The following RIPOR2 variants were observed in gnomAD, a reference collection of about 807,000 sequenced individuals.
RIPOR2 encodes the protein RHO family interacting cell polarization regulator 2.
RIPOR2 carries 39 observed loss-of-function variants against 114.5 expected under a neutral mutation model. The ratio of observed to expected loss-of-function variants is 0.34; its 90% CI spans 0.26 to 0.44. The LOEUF (loss-of-function observed/expected upper bound fraction) is 0.44. Ranked by LOEUF, RIPOR2 falls within the 20% of genes least tolerant of loss-of-function variation. The pLI is 1.00. For synonymous variants in RIPOR2, 445 were observed against 484.4 expected, an observed-to-expected ratio of 0.92 and a Z score of 1.07; for missense variants, 1,007 against 1,255.1, an observed-to-expected ratio of 0.80 and a Z score of 2.99.
At position 24,960,628 on chromosome 6, in the gene RIPOR2, T is replaced by G. The variant is rs137878535; in HGVS notation, c.76+81223A>C. Among the ~76,000 whole-genome samples the G allele has an allele frequency of 4.2e-3, 637 of 152,216 alleles. 4 individuals carry two copies. The highest frequency in any genetic ancestry group is 0.014 in the African/African-American group (593 of 41,526). Reference sequence around the variant, plus strand: ...GCAGCCTTGACCTCCCCTGGTGCAGTTGATCCTCCCACCTCAGCCTCCCCA... The same window carrying G: ...GCAGCCTTGACCTCCCCTGGTGCAGGTGATCCTCCCACCTCAGCCTCCCCA... On this transcript the variant is annotated intron_variant, in intron 1 of 13. Coordinates refer to the RIPOR2 transcript ENST00000510784.
chr6:24,932,899 C>T (rs1004298986), intron 1 of RIPOR2, among the ~76,000 whole-genome samples: 1 of 152,138 alleles, frequency 6.6e-6, no homozygotes, highest in African/African-American at 2.4e-5. Context: ...CAAGCATGAA[C>T]TTTTACAGGT....
chr6:24,845,449 C>T (rs1363777080), intron 12 of RIPOR2, among the ~76,000 whole-genome samples: 1 of 152,146 alleles, frequency 6.6e-6, no homozygotes, highest in Non-Finnish European at 1.5e-5. Flanking sequence ...TTCCACTCAG[C>T]TTTGTCTGAT....
intron 1 of RIPOR2, among the ~76,000 whole-genome samples, chr6:24,984,729 C>T (rs1425575872): frequency 6.6e-6 from 1 of 152,072 alleles, no homozygotes; most frequent in East Asian, 1.9e-4. Flanking sequence ...AAAATGTAAG[C>T]TTCAATTATC....
chr6:24,924,123 C>A (rs1165049290), intron 1 of RIPOR2, among the ~76,000 whole-genome samples: 1 of 152,174 alleles, frequency 6.6e-6, no homozygotes, highest in Admixed American at 6.5e-5. Flanking sequence ...AGAGCCAGCA[C>A]TGTTTTGGGA....
At chr6:24,808,728 T>G (rs1345094167) in intron 21 of RIPOR2, among the ~76,000 whole-genome samples, 1 of 150,836 alleles carries the variant, frequency 6.6e-6, no homozygotes, top group Non-Finnish European at 1.5e-5. Context: ...GTTGTTGAAG[T>G]AAAATTATTT....
intron 8 of RIPOR2, among the ~76,000 whole-genome samples, chr6:24,860,524 G>A (rs1013637134): frequency 2.0e-5 from 3 of 152,164 alleles, no homozygotes; most frequent in African/African-American, 4.8e-5. Context: ...CTGTGAAAAC[G>A]TGACAGTACT....
Position 25,037,755 on chromosome 6 carries a change from TG to T in RIPOR2, c.76+4095del, listed in dbSNP as rs1777312081. On this transcript the variant is annotated intron_variant, in intron 1 of 13. Transcript: ENST00000510784. The surrounding 1 kb of genome is among the most constrained non-coding windows in gnomAD (Gnocchi z 4.5). ...AGGAAGGCTTAGGGAAGATGAACTT[TG>T]GGATCCATTGCTTTACTATGAGTTT... Among the ~76,000 whole-genome samples the T allele has an allele frequency of 6.6e-6, 1 of 152,098 alleles. No homozygotes were observed. The highest frequency in any genetic ancestry group is 2.4e-5 in the African/African-American group (1 of 41,444).
At position 25,001,739 on chromosome 6, in the gene RIPOR2, G is replaced by A. The variant is rs1338208591; in HGVS notation, c.76+40112C>T. Among the ~76,000 whole-genome samples the A allele has an allele frequency of 2.0e-3, 252 of 123,364 alleles. 4 individuals carry two copies. The highest frequency in any genetic ancestry group is 3.9e-4 in the Non-Finnish European group (24 of 61,662). 80.9% of individuals were successfully genotyped at this position (123,364 alleles called of 152,430 possible). A position where few individuals can be genotyped will look rare whatever the true frequency, so the allele number is the denominator to read the frequency against. Reference sequence around the variant, plus strand: ...TTTTTAAACATAGTCTCGCTCTGTCGCCCAGGCTGGAGTGCAGTGGCGCGA... The same window carrying A: ...TTTTTAAACATAGTCTCGCTCTGTCACCCAGGCTGGAGTGCAGTGGCGCGA... On this transcript the variant is annotated intron_variant, in intron 1 of 13. Transcript: ENST00000510784.
At chr6:24,988,375 T>C (rs577595827) in intron 1 of RIPOR2, among the ~76,000 whole-genome samples, 1 of 152,166 alleles carries the variant, frequency 6.6e-6, no homozygotes, top group Non-Finnish European at 1.5e-5. Flanking sequence ...GATTTTGCCA[T>C]GTTGGCCAGG....
chr6:24,994,594 G>A (rs1774966115), intron 1 of RIPOR2, among the ~76,000 whole-genome samples: 1 of 152,172 alleles, frequency 6.6e-6, no homozygotes, highest in Non-Finnish European at 1.5e-5. Flanking sequence ...AAGAAGAAGG[G>A]ACTTGAAGGA....
chr6:24,979,155 A>G (rs1356275817), intron 1 of RIPOR2, among the ~76,000 whole-genome samples: 2 of 152,096 alleles, frequency 1.3e-5, no homozygotes, highest in Non-Finnish European at 2.9e-5. Flanking sequence ...TTCCTCTCTC[A>G]GCTGTCGTGC....
intron 21 of RIPOR2, 44 bp downstream of exon 21, chr6:24,809,673 T>C: frequency 7.9e-7 from 1 of 1,263,430 alleles, no homozygotes; most frequent in Non-Finnish European, 1.1e-6. Context: ...CGTTAGAGAG[T>C]GCCAGAAGCA....
chr6:24,901,188 T>C (rs186959680), intron 1 of RIPOR2, among the ~76,000 whole-genome samples: 104 of 152,318 alleles, frequency 6.8e-4, no homozygotes, highest in African/African-American at 2.5e-3. Context: ...GGAGTGAAAC[T>C]AGTCCCCTAC....
chr6:24,983,121 G>T (rs555171051), intron 1 of RIPOR2, among the ~76,000 whole-genome samples: 1 of 151,876 alleles, frequency 6.6e-6, no homozygotes, highest in East Asian at 1.9e-4. Flanking sequence ...GTTGCAGTCC[G>T]CAAACTTGGC....
chr6:25,010,791 TACAAGGG>T (rs1422931682), intron 1 of RIPOR2, among the ~76,000 whole-genome samples: 17 of 152,182 alleles, frequency 1.1e-4, no homozygotes, highest in African/African-American at 4.1e-4. Flanking sequence ...TCTCTGGTGC[TACAAGGG>T]ACACTAGACA....
intron 1 of RIPOR2, among the ~76,000 whole-genome samples, chr6:24,933,952 A>G (rs939682816): frequency 3.3e-5 from 5 of 152,208 alleles, no homozygotes; most frequent in African/African-American, 1.2e-4. Context: ...GAGAACACAC[A>G]GGTTCATCCA....
At chr6:25,019,571 C>T (rs191504318) in intron 1 of RIPOR2, among the ~76,000 whole-genome samples, 18 of 150,396 alleles carry the variant, frequency 1.2e-4, no homozygotes, top group African/African-American at 3.4e-4. Context: ...AGATCGAGAC[C>T]ATCCTGGCTA....
intron 1 of RIPOR2, among the ~76,000 whole-genome samples, chr6:24,933,647 G>C (rs968686796): frequency 6.6e-6 from 1 of 152,166 alleles, no homozygotes; most frequent in Non-Finnish European, 1.5e-5. Flanking sequence ...GAAGTGCAAC[G>C]CAAACATTAT....
At chr6:25,006,466 C>T (rs1775566147) in intron 1 of RIPOR2, among the ~76,000 whole-genome samples, 1 of 152,198 alleles carries the variant, frequency 6.6e-6, no homozygotes, top group African/African-American at 2.4e-5. Context: ...TCTCATCTGT[C>T]TTTTCAAATC....
Sources: allele counts gnomAD v4.1 joint callset (sites outside exome capture counted in the v4.1 genomes callset), GRCh38; gene constraint gnomAD v4.1.1; non-coding constraint Gnocchi (gnomAD v3.1); transcripts MANE v1.5; gene names NCBI Gene and HGNC (gene_info 2026-07-23, HGNC 2026-07-21).